Variants in CMTM8 observed in about 807,000 individuals in gnomAD.
CMTM8 encodes the protein CKLF like MARVEL transmembrane domain containing 8.
CMTM8 carries 12 observed loss-of-function variants against 18.6 expected under a neutral mutation model. That is an observed-to-expected ratio of 0.65 (90% CI 0.41 to 1.05). The LOEUF is 1.05. Among genes scored for constraint, CMTM8 ranks in the 50% least tolerant of loss-of-function variants. The probability of loss-of-function intolerance (pLI) is 0.00; values close to 1 mark genes in which losing one functional copy is unlikely to be tolerated. For synonymous variants in CMTM8, 87 were observed against 90.6 expected, an observed-to-expected ratio of 0.96 and a Z score of 0.23; for missense variants, 217 against 227.2, an observed-to-expected ratio of 0.95 and a Z score of 0.29.
chr3:32,259,068 G>T, intron 1 of CMTM8: 1 of 372,404 alleles, frequency 2.7e-6, no homozygotes. Context: ...GGAGGGCAGG[G>T]GGTGGCTCTG....
intron 1 of CMTM8, among the ~76,000 whole-genome samples, chr3:32,291,440 G>A (rs946048863): frequency 1.2e-4 from 18 of 152,128 alleles, no homozygotes; most frequent in Non-Finnish European, 1.3e-4. Context: ...GTGCCCAGCC[G>A]AGAAGAAAAT....
intron 1 of CMTM8, among the ~76,000 whole-genome samples, chr3:32,278,750 A>C (rs577512607): frequency 6.6e-6 from 1 of 152,284 alleles, no homozygotes. Context: ...ACCTTTATAT[A>C]CTTGATGCCC....
At chr3:32,309,143 C>T (rs888009917) in intron 1 of CMTM8, among the ~76,000 whole-genome samples, 4 of 151,962 alleles carry the variant, frequency 2.6e-5, no homozygotes, top group African/African-American at 7.3e-5. Flanking sequence ...GACAAGCATC[C>T]TTAACACACT....
Position 32,331,199 on chromosome 3 carries a change from C to A in CMTM8, c.148-26174C>A, listed in dbSNP as rs183411647. On this transcript the variant is annotated intron_variant, in intron 1 of 3. Transcript: ENST00000307526. ...TCAGAAAAAGATATGCAAATGCCAA[C>A]AAGCATATGGTAATATGAGCAATAT... is the stretch of plus-strand genomic sequence containing the variant. Among the ~76,000 whole-genome samples the A allele has an allele frequency of 2.6e-4, 40 of 152,194 alleles. No homozygotes were observed. In the East Asian group the frequency reaches 3.9e-3, roughly 15 times the overall value.
intron 1 of CMTM8, among the ~76,000 whole-genome samples, chr3:32,346,963 G>A (rs1696606742): frequency 2.6e-5 from 4 of 151,608 alleles, no homozygotes; most frequent in Admixed American, 2.6e-4. Flanking sequence ...TGGGACTATA[G>A]GCATGCACCA....
chr3:32,341,251 T>G (rs546183178), intron 1 of CMTM8, among the ~76,000 whole-genome samples: 2 of 152,282 alleles, frequency 1.3e-5, no homozygotes, highest in Admixed American at 6.5e-5. Flanking sequence ...GCATAGAGGC[T>G]TCTGTTGCCT....
intron 1 of CMTM8, among the ~76,000 whole-genome samples, chr3:32,321,153 G>A (rs997939283): frequency 2.0e-5 from 3 of 151,904 alleles, no homozygotes; most frequent in South Asian, 2.1e-4. Context: ...CCAAGTCAGC[G>A]GTGTGCTTTC....
intron 2 of CMTM8, among the ~76,000 whole-genome samples, chr3:32,366,298 A>G (rs928483094): frequency 6.6e-6 from 1 of 152,302 alleles, no homozygotes; most frequent in South Asian, 2.1e-4. Context: ...TAGAGTTCAG[A>G]AAAAATGGGC....
At chr3:32,247,333 G>A (rs1217156781) in intron 1 of CMTM8, among the ~76,000 whole-genome samples, 7 of 151,988 alleles carry the variant, frequency 4.6e-5, no homozygotes, top group Non-Finnish European at 8.8e-5. Flanking sequence ...TTTCCCCTGA[G>A]ATGGAGTCTC....
At chr3:32,294,838 C>G (rs1297618459) in intron 1 of CMTM8, among the ~76,000 whole-genome samples, 2 of 150,836 alleles carry the variant, frequency 1.3e-5, no homozygotes, top group Admixed American at 1.3e-4. Flanking sequence ...GCGGATCACT[C>G]AAGGCCAGGA....
At chr3:32,260,401 T>A (rs896377559) in intron 1 of CMTM8, among the ~76,000 whole-genome samples, 19 of 152,234 alleles carry the variant, frequency 1.2e-4, no homozygotes, top group African/African-American at 3.9e-4. Context: ...AATATTGAAA[T>A]GCATTTCAGC....
intron 2 of CMTM8, among the ~76,000 whole-genome samples, chr3:32,366,542 T>A (rs1231184086): frequency 6.6e-6 from 1 of 152,244 alleles, no homozygotes; most frequent in Non-Finnish European, 1.5e-5. Context: ...AAACCCATCC[T>A]CAAAGATGTT....
intron 1 of CMTM8, among the ~76,000 whole-genome samples, chr3:32,298,388 A>G (rs921565311): frequency 1.3e-5 from 2 of 151,248 alleles, no homozygotes; most frequent in African/African-American, 4.9e-5. Context: ...TAAAAACTCT[A>G]TATAAATATT....
At chr3:32,312,927 A>C (rs773108387) in intron 1 of CMTM8, among the ~76,000 whole-genome samples, 1 of 152,106 alleles carries the variant, frequency 6.6e-6, no homozygotes, top group Non-Finnish European at 1.5e-5. Context: ...CAAGGACAAA[A>C]GACCAAATCT....
intron 1 of CMTM8, among the ~76,000 whole-genome samples, chr3:32,300,892 G>C (rs956815086): frequency 6.6e-6 from 1 of 151,790 alleles, no homozygotes; most frequent in Non-Finnish European, 1.5e-5. Context: ...CCTGGGAGGC[G>C]GAGGTTGTGG....
At chr3:32,242,638 T>G (rs528314569) in intron 1 of CMTM8, among the ~76,000 whole-genome samples, 5 of 152,260 alleles carry the variant, frequency 3.3e-5, no homozygotes, top group African/African-American at 1.2e-4. Flanking sequence ...GTAAAAATTT[T>G]TATTTCAATT....
intron 2 of CMTM8, among the ~76,000 whole-genome samples, chr3:32,364,332 A>G (rs1696989696): frequency 6.6e-6 from 1 of 152,088 alleles, no homozygotes; most frequent in Admixed American, 6.6e-5. Flanking sequence ...GTGAAACCCC[A>G]TCTCTACTAA....
At chr3:32,337,215 C>G (rs1696406299) in intron 1 of CMTM8, among the ~76,000 whole-genome samples, 1 of 152,208 alleles carries the variant, frequency 6.6e-6, no homozygotes. Context: ...GTTTCCAACA[C>G]ATAAAGTTTG....
intron 1 of CMTM8, among the ~76,000 whole-genome samples, chr3:32,355,133 C>T (rs1696790435): frequency 6.6e-6 from 1 of 152,202 alleles, no homozygotes. Flanking sequence ...TCTCGGGAAG[C>T]AGTTTAACAT....
Sources: gnomAD v4.1 joint callset for allele counts (sites outside exome capture counted in the v4.1 genomes callset) on GRCh38, gnomAD v4.1.1 for gene constraint, MANE v1.5 for transcripts, NCBI Gene and HGNC (gene_info 2026-07-23, HGNC 2026-07-21) for gene names.